Variants in PIBF1 observed in about 807,000 individuals in gnomAD.
PIBF1 encodes progesterone-induced-blocking factor 1.
A neutral mutation model predicts 112.5 loss-of-function variants in PIBF1; 90 were observed. That is an observed-to-expected ratio of 0.80 (90% confidence interval 0.67 to 0.95). The LOEUF (loss-of-function observed/expected upper bound fraction) is 0.95, where lower values mean the gene tolerates loss of function less well. PIBF1 is among the 40% of genes least tolerant of loss of function. The pLI is 0.00. For missense variants in PIBF1, 915 were observed against 852.3 expected, an observed-to-expected ratio of 1.07 and a Z score of -0.92; for synonymous variants, 301 against 288.6, an observed-to-expected ratio of 1.04 and a Z score of -0.44.
At chr13:72,853,724 C>T (rs535849571) in intron 9 of PIBF1, among the ~76,000 whole-genome samples, 4 of 152,254 alleles carry the variant, frequency 2.6e-5, no homozygotes, top group East Asian at 1.9e-4. Context: ...CTCCCCAAAC[C>T]TCAGTTTTCT....
At chr13:72,944,853 G>A (rs895304647) in intron 14 of PIBF1, among the ~76,000 whole-genome samples, 2 of 152,054 alleles carry the variant, frequency 1.3e-5, no homozygotes, top group African/African-American at 4.8e-5. Flanking sequence ...TGCAACCTCT[G>A]CCTCCCTGGT....
At chr13:72,939,678 C>T (rs1275162626) in intron 14 of PIBF1, among the ~76,000 whole-genome samples, 1 of 152,034 alleles carries the variant, frequency 6.6e-6, no homozygotes, top group African/African-American at 2.4e-5. Context: ...TTGTAAAAAG[C>T]GCTGCTATGA....
In PIBF1 at chr13:72,821,951, T is replaced by A; in HGVS notation, c.775T>A (p.Tyr259Asn). 5 of 1,612,580 alleles carry A rather than the reference T, an allele frequency of 3.1e-6. No homozygotes were observed. Among genetic ancestry groups the A allele is most frequent in the Non-Finnish European group, 4.2e-6 (5 of 1,179,180 alleles). ...DTKQLIQQGD[Y>N]RQENYDKVKS... is the part of the protein sequence containing the mutation. ...AAAACAGTTAATTCAGCAAGGTGAC[T>A]ACCGTCAAGAGAACTATGATAAAGT... Residue 259 changes from tyrosine (Y) to asparagine (N), a missense_variant, in exon 6 of 18, where the codon TAC (tyrosine) becomes AAC (asparagine). Coordinates refer to ENST00000326291, the MANE Select transcript of PIBF1 (RefSeq NM_006346.4).
At chr13:72,944,410 G>T (rs910309066) in intron 14 of PIBF1, among the ~76,000 whole-genome samples, 1 of 148,538 alleles carries the variant, frequency 6.7e-6, no homozygotes, top group Non-Finnish European at 1.5e-5. Flanking sequence ...TTGCACCACC[G>T]CAGGACTCTA....
chr13:72,917,773 CT>C (rs1270657442), intron 13 of PIBF1, among the ~76,000 whole-genome samples: 1 of 152,160 alleles, frequency 6.6e-6, no homozygotes, highest in Admixed American at 6.5e-5. Context: ...TATGTGCCGA[CT>C]TTTTTTCTTG....
chr13:72,965,421 T>C lies in PIBF1; in HGVS notation c.1964+17T>C, dbSNP rs753816630. 1.1e-5 allele frequency: 17 copies of C among 1,586,910 alleles called. No individual in the cohort carries two copies. The highest frequency in any genetic ancestry group is 1.7e-4 in the Middle Eastern group (1 of 6,000). ...AGATGTCAGGTAAACCATCTACAAA[T>C]CTTTTATTTGAATAATAAAGACATT... is the stretch of plus-strand genomic sequence containing the variant. On this transcript the variant is annotated intron_variant, in intron 15 of 17. Coordinates refer to ENST00000326291, the MANE Select transcript of PIBF1 (RefSeq NM_006346.4).
intron 5 of PIBF1, among the ~76,000 whole-genome samples, chr13:72,809,500 A>G (rs531844088): frequency 2.2e-4 from 34 of 152,052 alleles, no homozygotes; most frequent in African/African-American, 8.0e-4. Context: ...AAATCATTAA[A>G]GCCACACAAT....
At chr13:72,887,870 G>A (rs1009666247) in intron 10 of PIBF1, among the ~76,000 whole-genome samples, 2 of 151,980 alleles carry the variant, frequency 1.3e-5, no homozygotes, top group African/African-American at 4.8e-5. Context: ...TGTATATAAT[G>A]AGTCAAGTTT....
chr13:72,859,658 G>A (rs1478371591), intron 10 of PIBF1, among the ~76,000 whole-genome samples: 1 of 152,174 alleles, frequency 6.6e-6, no homozygotes, highest in East Asian at 1.9e-4. Context: ...GTAAGATCAT[G>A]CAGTTGGGTC....
chr13:72,806,354 G>A (rs927487611), intron 5 of PIBF1, among the ~76,000 whole-genome samples: 2 of 151,028 alleles, frequency 1.3e-5, no homozygotes, highest in African/African-American at 4.9e-5. Context: ...TATCCATGTT[G>A]TAGCATGTGA....
intron 10 of PIBF1, among the ~76,000 whole-genome samples, chr13:72,892,805 C>CACACACAT: frequency 1.3e-5 from 2 of 149,002 alleles, no homozygotes; most frequent in African/African-American, 4.9e-5. Context: ...CACACACACA[C>CACACACAT]ACACGCACAC....
intron 14 of PIBF1, among the ~76,000 whole-genome samples, chr13:72,950,884 A>G (rs2042277116): frequency 6.6e-6 from 1 of 152,334 alleles, no homozygotes; most frequent in African/African-American, 2.4e-5. Context: ...AATGAAGAAG[A>G]TTGCGGACAG....
chr13:72,884,026 A>T (rs1356045412), intron 10 of PIBF1, among the ~76,000 whole-genome samples: 2 of 152,208 alleles, frequency 1.3e-5, no homozygotes, highest in African/African-American at 4.8e-5. Context: ...GAAGTAATGG[A>T]TACCTCATTT....
intron 12 of PIBF1, among the ~76,000 whole-genome samples, chr13:72,912,394 C>A (rs1398861452): frequency 6.6e-6 from 1 of 151,864 alleles, no homozygotes. Context: ...CAAAGGAAGA[C>A]ATGTGAATGA....
intron 12 of PIBF1, among the ~76,000 whole-genome samples, chr13:72,912,176 A>C (rs1167925684): frequency 4.6e-5 from 7 of 152,226 alleles, no homozygotes. Context: ...CATTGACTTC[A>C]GGTCAGTGAG....
intron 13 of PIBF1, among the ~76,000 whole-genome samples, chr13:72,917,368 A>G (rs1477934330): frequency 1.3e-5 from 2 of 152,272 alleles, no homozygotes; most frequent in Admixed American, 6.5e-5. Context: ...AGAAGTGTGC[A>G]TAAGAATTTA....
intron 17 of PIBF1, among the ~76,000 whole-genome samples, chr13:73,012,210 G>A (rs1309816948): frequency 1.3e-5 from 2 of 152,132 alleles, no homozygotes; most frequent in East Asian, 1.9e-4. Context: ...AAACTAGCTG[G>A]GTGTAGTGGC....
chr13:72,784,262 C>T (rs997002772), intron 2 of PIBF1, among the ~76,000 whole-genome samples: 4 of 143,054 alleles, frequency 2.8e-5, no homozygotes, highest in Non-Finnish European at 6.0e-5. Flanking sequence ...CATTGTGAAA[C>T]CCCAGCTCTA....
chr13:72,829,621 C>G (rs2138172983), intron 8 of PIBF1, among the ~76,000 whole-genome samples: 1 of 152,284 alleles, frequency 6.6e-6, no homozygotes, highest in Non-Finnish European at 1.5e-5. Flanking sequence ...GGCCTCTGTT[C>G]TGTTCCATTG....
Sources: allele counts gnomAD v4.1 joint callset (sites outside exome capture counted in the v4.1 genomes callset), GRCh38; gene constraint gnomAD v4.1.1; transcripts MANE v1.5; gene names NCBI Gene and HGNC (gene_info 2026-07-23, HGNC 2026-07-21).